The following RANBP2 variants were observed in gnomAD, a reference collection of about 807,000 sequenced individuals.
RANBP2 encodes RAN binding protein 2, also known as E3 SUMO-protein ligase RanBP2.
A neutral mutation model predicts 303.6 loss-of-function variants in RANBP2; 57 were observed. The observed-to-expected ratio is 0.19, with a 90% CI of 0.15 to 0.23. The LOEUF (loss-of-function observed/expected upper bound fraction) is 0.23, where lower values mean the gene tolerates loss of function less well. RANBP2 is among the 10% of genes least tolerant of loss of function. The probability of loss-of-function intolerance (pLI) is 1.00; values close to 1 mark genes in which losing one functional copy is unlikely to be tolerated. For missense variants in RANBP2, 3,138 were observed against 3,780.8 expected (o/e 0.83, Z 4.46); for synonymous variants, 1,167 against 1,301.5 (o/e 0.90, Z 2.23).
At chr2:109,403,820 A>C in the RANBP2 span, among the ~76,000 whole-genome samples, 1 of 152,190 alleles carries the variant, frequency 6.6e-6, no homozygotes, top group Non-Finnish European at 1.5e-5. Context: ...ACCTTGGGTA[A>C]GCTGCCTGAC....
At chr2:108,869,248 A>G in the RANBP2 span, among the ~76,000 whole-genome samples, 1 of 152,180 alleles carries the variant, frequency 6.6e-6, no homozygotes, top group Admixed American at 6.5e-5. Context: ...CCCAATCAAG[A>G]AAAAGCCACA....
chr2:109,275,096 A>T, the RANBP2 span, among the ~76,000 whole-genome samples: 3 of 152,202 alleles, frequency 2.0e-5, no homozygotes, highest in African/African-American at 7.2e-5. Context: ...TTAAAAAAAA[A>T]GAAAATGTGT....
At chr2:109,208,227 C>T in the RANBP2 span, among the ~76,000 whole-genome samples, 1 of 152,226 alleles carries the variant, frequency 6.6e-6, no homozygotes, top group Non-Finnish European at 1.5e-5. Context: ...TTTTAGTTCA[C>T]ATCTTCATGT....
the RANBP2 span, among the ~76,000 whole-genome samples, chr2:109,670,850 G>C: frequency 2.6e-5 from 4 of 151,822 alleles, no homozygotes; most frequent in African/African-American, 4.8e-5. Flanking sequence ...CTTCGGTTTG[G>C]GGGTGGCTGG....
At chr2:108,996,305 G>T in the RANBP2 span, among the ~76,000 whole-genome samples, 1 of 152,174 alleles carries the variant, frequency 6.6e-6, no homozygotes, top group Non-Finnish European at 1.5e-5. Context: ...TTACACCCCA[G>T]GTGCAGGGAT....
At chr2:108,759,862 A>G (rs2693108) in intron 18 of RANBP2, among the ~76,000 whole-genome samples, 37 of 152,230 alleles carry the variant, frequency 2.4e-4, no homozygotes, top group Admixed American at 3.3e-4. Context: ...GGCATAAAAG[A>G]TCTTCTGTTC....
At chr2:109,130,053 G>GGGCAGCACCGCC in the RANBP2 span, 5 of 1,367,036 alleles carry the variant, frequency 3.7e-6, no homozygotes, top group Middle Eastern at 2.7e-4. Flanking sequence ...CCGCGGCCGC[G>GGGCAGCACCGCC]GGCAGCACCG....
chr2:109,613,200 T>C, the RANBP2 span: 1 of 1,286,234 alleles, frequency 7.8e-7, no homozygotes, highest in Admixed American at 2.3e-5. Context: ...GCTGGCTTAC[T>C]AACAAGCGAG....
At chr2:109,507,249 C>T in the RANBP2 span, among the ~76,000 whole-genome samples, 9 of 152,206 alleles carry the variant, frequency 5.9e-5, no homozygotes, top group Non-Finnish European at 8.8e-5. Flanking sequence ...CCCCCCTTCC[C>T]GAGCCGGCCC....
At chr2:109,028,300 G>T in the RANBP2 span, among the ~76,000 whole-genome samples, 11 of 152,236 alleles carry the variant, frequency 7.2e-5, no homozygotes, top group Admixed American at 4.6e-4. Context: ...AAAACATATT[G>T]TTCGATTTTA....
chr2:108,730,781 T>C lies in RANBP2; in HGVS notation c.148T>C (p.Cys50Arg), dbSNP rs2149105167. 7 of 1,611,488 alleles carry C rather than the reference T, an allele frequency of 4.3e-6. No individual in the cohort carries two copies. The highest frequency in any genetic ancestry group is 5.9e-6 in the Non-Finnish European group (7 of 1,179,530). ...KEYDLAKKYI[C>R]TYINVQERDP... Reference sequence around the variant, plus strand: ...ATTACTTTTAAAAAACAGATACATATGTACTTACATTAATGTGCAAGAGAG... The same window carrying C: ...ATTACTTTTAAAAAACAGATACATACGTACTTACATTAATGTGCAAGAGAG... Residue 50 changes from cysteine to arginine, a missense_variant, in exon 3 of 29, where the codon TGT becomes CGT. By Grantham distance (180) the Cys-to-Arg change is radical (BLOSUM62 -3). Transcript: ENST00000283195.
the RANBP2 span, among the ~76,000 whole-genome samples, chr2:109,064,321 T>G: frequency 1.3e-5 from 2 of 151,758 alleles, no homozygotes; most frequent in East Asian, 1.9e-4. Context: ...CCGGGCATGG[T>G]GTCGGGTGCC....
the RANBP2 span, among the ~76,000 whole-genome samples, chr2:109,697,258 G>A: frequency 6.6e-6 from 1 of 152,182 alleles, no homozygotes; most frequent in Non-Finnish European, 1.5e-5. Context: ...GGGAGGCCGA[G>A]GTGGGCAGAT....
At position 108,766,044 on chromosome 2, in the gene RANBP2, T is replaced by A. The variant is rs1299832753; in HGVS notation, c.5505T>A (p.Ser1835Arg). ...TGAAGTTGCATGACTCTTCTGGAAG[T>A]CAGGTGGGAACAGGATTTAAAAGTA... ...SEMKLHDSSG[S>R]QVGTGFKSNF... Residue 1835 changes from serine (S) to arginine (R), a missense_variant, in exon 20 of 29, where the codon AGT becomes AGA. Around this residue, in one of 20 missense-constraint regions of RANBP2, gnomAD observed 348 missense variants for 360.4 expected, o/e 0.97. Coordinates refer to ENST00000283195, the MANE Select transcript of RANBP2 (RefSeq NM_006267.5). 6.2e-7 allele frequency: 1 copy of A among 1,614,056 alleles called. No individual in the cohort carries two copies. The highest frequency in any genetic ancestry group is 1.1e-5 in the South Asian group (1 of 91,090).
chr2:109,409,697 C>T, the RANBP2 span, among the ~76,000 whole-genome samples: 3 of 152,026 alleles, frequency 2.0e-5, no homozygotes, highest in Admixed American at 6.5e-5. Context: ...CTGCCCTCCC[C>T]GAGAGGGAGA....
At chr2:108,816,183 G>A in the RANBP2 span, 1 of 1,069,526 alleles carries the variant, frequency 9.3e-7, no homozygotes, top group Non-Finnish European at 1.4e-6. Context: ...AGGCACAGTG[G>A]CTCACGTCTA....
the RANBP2 span, among the ~76,000 whole-genome samples, chr2:108,908,526 AG>A: frequency 1.7e-3 from 259 of 152,170 alleles, 1 homozygote; most frequent in African/African-American, 5.8e-3. Flanking sequence ...CCTCTTGACT[AG>A]GGGGGTGACC....
chr2:108,783,015 A>AT lies in RANBP2; in HGVS notation c.9369+155dup, dbSNP rs773413071. ...ATGGAATCACATGGCATCACTACCC[A>AT]TTCCCTGCTCCTGCCTAAAACTTTC... On this transcript the variant is annotated intron_variant, in intron 28 of 28. Coordinates refer to ENST00000283195, the MANE Select transcript of RANBP2 (RefSeq NM_006267.5). Among the ~76,000 whole-genome samples, 8 of 152,212 alleles carry AT rather than the reference A, an allele frequency of 5.3e-5. No homozygotes were observed. The East Asian group carries it at 1.2e-3, about 22-fold the overall frequency.
At chr2:109,335,072 G>A in the RANBP2 span, among the ~76,000 whole-genome samples, 5 of 152,344 alleles carry the variant, frequency 3.3e-5, no homozygotes, top group East Asian at 7.7e-4. Flanking sequence ...CTCTGCCTGG[G>A]ATCATGGTGG....
Sources: allele counts gnomAD v4.1 joint callset (sites outside exome capture counted in the v4.1 genomes callset), GRCh38; gene constraint gnomAD v4.1.1; regional missense constraint gnomAD v4.1.1; transcripts MANE v1.5; gene names NCBI Gene and HGNC (gene_info 2026-07-23, HGNC 2026-07-21).